Variants in KCND2 observed in about 807,000 individuals in gnomAD.
The protein encoded by KCND2 is potassium voltage-gated channel subfamily D member 2, also known as A-type voltage-gated potassium channel KCND2.
Under a neutral mutation model 54.4 loss-of-function variants are expected in KCND2, and 16 were observed. The observed-to-expected ratio is 0.29, with a 90% CI of 0.20 to 0.45. The LOEUF is 0.45. Among genes scored for constraint, KCND2 ranks in the 20% least tolerant of loss-of-function variants. The probability of loss-of-function intolerance (pLI) is 1.00; values close to 1 mark genes in which losing one functional copy is unlikely to be tolerated. For missense variants in KCND2, 486 were observed against 824.2 expected, an observed-to-expected ratio of 0.59 and a Z score of 5.02; for synonymous variants, 317 against 310.7, an observed-to-expected ratio of 1.02 and a Z score of -0.21.
intron 1 of KCND2, among the ~76,000 whole-genome samples, chr7:120,671,066 A>G (rs1010938078): frequency 6.6e-6 from 1 of 151,984 alleles, no homozygotes; most frequent in African/African-American, 2.4e-5. Context: ...CCCCATTCCA[A>G]CTTATGTTTG....
At chr7:120,341,954 A>T (rs1284436816) in intron 1 of KCND2, among the ~76,000 whole-genome samples, 9 of 152,180 alleles carry the variant, frequency 5.9e-5, no homozygotes, top group African/African-American at 2.2e-4. Context: ...AAACTATAGT[A>T]ACAATAGAAG....
intron 1 of KCND2, among the ~76,000 whole-genome samples, chr7:120,349,702 CCT>C (rs1393720495): frequency 6.6e-6 from 1 of 152,064 alleles, no homozygotes. Context: ...TTTTTGAGCC[CCT>C]GTTATAGTCC....
At chr7:120,655,384 A>G (rs569699471) in intron 1 of KCND2, among the ~76,000 whole-genome samples, 1 of 152,044 alleles carries the variant, frequency 6.6e-6, no homozygotes, top group Non-Finnish European at 1.5e-5. Context: ...ACACACCATT[A>G]CTTATTCAGG....
chr7:120,488,805 T>TGG (rs1463830207), intron 1 of KCND2, among the ~76,000 whole-genome samples: 1 of 152,066 alleles, frequency 6.6e-6, no homozygotes, highest in Non-Finnish European at 1.5e-5. Context: ...ATGAAAGTAA[T>TGG]ATACATGGAA....
At chr7:120,701,189 G>C (rs1202795842) in intron 1 of KCND2, among the ~76,000 whole-genome samples, 1 of 133,174 alleles carries the variant, frequency 7.5e-6, no homozygotes, top group African/African-American at 2.8e-5. Flanking sequence ...TTAGACCCAT[G>C]GTCATAGCTA....
At chr7:120,423,894 A>C (rs2116141453) in intron 1 of KCND2, among the ~76,000 whole-genome samples, 1 of 152,264 alleles carries the variant, frequency 6.6e-6, no homozygotes, top group African/African-American at 2.4e-5. Context: ...CTCGAACAAA[A>C]CCAGATATAA....
intron 1 of KCND2, among the ~76,000 whole-genome samples, chr7:120,675,652 C>T (rs1792051182): frequency 3.3e-5 from 5 of 152,052 alleles, no homozygotes; most frequent in Non-Finnish European, 1.5e-5. Context: ...TAATACATAC[C>T]TATTTCTATC....
At chr7:120,742,696 T>C in intron 4 of KCND2, 94 bp downstream of exon 4, 2 of 944,358 alleles carry the variant, frequency 2.1e-6, no homozygotes, top group Non-Finnish European at 3.5e-6. Context: ...GATTTCACTG[T>C]CTGCATTACT....
chr7:120,698,022 C>CTTTTTTT (rs35589294), intron 1 of KCND2, among the ~76,000 whole-genome samples: 80 of 85,596 alleles, frequency 9.3e-4, no homozygotes, highest in African/African-American at 1.4e-3. Flanking sequence ...TAGATTTGCC[C>CTTTTTTT]TTTTTTTTTT....
At chr7:120,630,079 A>G (rs952497827) in intron 1 of KCND2, among the ~76,000 whole-genome samples, 1 of 152,138 alleles carries the variant, frequency 6.6e-6, no homozygotes, top group East Asian at 1.9e-4. Flanking sequence ...CCCAGGGCTG[A>G]CATTTAGGGA....
intron 1 of KCND2, among the ~76,000 whole-genome samples, chr7:120,469,567 A>T (rs982634612): frequency 5.9e-5 from 9 of 152,098 alleles, no homozygotes; most frequent in Non-Finnish European, 1.2e-4. Context: ...GAGGATTGGA[A>T]GCTCAGGAAC....
intron 1 of KCND2, among the ~76,000 whole-genome samples, chr7:120,334,575 C>G (rs1800117707): frequency 1.3e-5 from 2 of 152,178 alleles, no homozygotes; most frequent in African/African-American, 2.4e-5. Context: ...AGACAAACCA[C>G]TTAGTAACAC....
chr7:120,427,136 T>G (rs1183948091), intron 1 of KCND2, among the ~76,000 whole-genome samples: 2 of 152,248 alleles, frequency 1.3e-5, no homozygotes, highest in Non-Finnish European at 2.9e-5. Flanking sequence ...TTGTCTTCCT[T>G]ACAGTTTGTT....
chr7:120,370,761 G>A (rs2115998312), intron 1 of KCND2, among the ~76,000 whole-genome samples: 1 of 152,102 alleles, frequency 6.6e-6, no homozygotes, highest in Middle Eastern at 3.4e-3. Context: ...TGGTGTTAGA[G>A]AATATGTGCT....
chr7:120,427,451 A>G (rs771445602), intron 1 of KCND2, among the ~76,000 whole-genome samples: 1 of 152,212 alleles, frequency 6.6e-6, no homozygotes, highest in Non-Finnish European at 1.5e-5. Flanking sequence ...TCTTTACATT[A>G]GAACATTCTT....
intron 1 of KCND2, among the ~76,000 whole-genome samples, chr7:120,496,040 AG>A (rs1433738306): frequency 6.6e-6 from 1 of 152,062 alleles, no homozygotes; most frequent in African/African-American, 2.4e-5. Flanking sequence ...AATTAATGCA[AG>A]TAAGATGAGT....
chr7:120,687,546 G>A (rs1792219047), intron 1 of KCND2, among the ~76,000 whole-genome samples: 1 of 151,816 alleles, frequency 6.6e-6, no homozygotes, highest in African/African-American at 2.4e-5. Flanking sequence ...GCAAGCATTG[G>A]GGCTCATGCC....
chr7:120,351,412 A>ACACTCTCT (rs1239086324), intron 1 of KCND2, among the ~76,000 whole-genome samples: 1 of 99,804 alleles, frequency 1.0e-5, no homozygotes, highest in Non-Finnish European at 2.0e-5. Context: ...ACACACACAC[A>ACACTCTCT]CTCTCTCTCT....
At chr7:120,357,835 C>T (rs1800528067) in intron 1 of KCND2, among the ~76,000 whole-genome samples, 1 of 152,080 alleles carries the variant, frequency 6.6e-6, no homozygotes, top group African/African-American at 2.4e-5. Context: ...GATATGAGTT[C>T]TGTTGGATTA....
Sources: allele counts gnomAD v4.1 joint callset (sites outside exome capture counted in the v4.1 genomes callset), GRCh38; gene constraint gnomAD v4.1.1; transcripts MANE v1.5; gene names NCBI Gene and HGNC (gene_info 2026-07-23, HGNC 2026-07-21).